DENND1A: variants seen among roughly 807,000 people sequenced by gnomAD.
DENND1A encodes the protein DENN domain-containing protein 1A.
A neutral mutation model predicts 113.7 loss-of-function variants in DENND1A; 51 were observed. The ratio of observed to expected loss-of-function variants is 0.45; its 90% confidence interval spans 0.36 to 0.57. The LOEUF (loss-of-function observed/expected upper bound fraction) is 0.57, where lower values mean the gene tolerates loss of function less well. DENND1A is among the 20% of genes least tolerant of loss of function. The pLI, the probability that DENND1A is intolerant of heterozygous loss-of-function variation, is 0.00. For synonymous variants in DENND1A, 565 were observed against 570.8 expected, an observed-to-expected ratio of 0.99 and a Z score of 0.14; for missense variants, 1,258 against 1,395.9, an observed-to-expected ratio of 0.90 and a Z score of 1.57.
At chr9:123,846,797 G>A (rs1003446514) in intron 2 of DENND1A, among the ~76,000 whole-genome samples, 2 of 152,116 alleles carry the variant, frequency 1.3e-5, no homozygotes, top group Non-Finnish European at 2.9e-5. Context: ...GCACAACAGT[G>A]TTAAACATAA....
At chr9:123,654,084 G>A (rs548763541) in intron 8 of DENND1A, among the ~76,000 whole-genome samples, 44 of 152,174 alleles carry the variant, frequency 2.9e-4, no homozygotes, top group South Asian at 2.5e-3. Flanking sequence ...AAAGGCAGTC[G>A]GAAGGAGTCA....
At chr9:123,553,688 C>G (rs1307559981) in intron 13 of DENND1A, among the ~76,000 whole-genome samples, 2 of 152,158 alleles carry the variant, frequency 1.3e-5, no homozygotes, top group African/African-American at 4.8e-5. Flanking sequence ...TGGATGGAAA[C>G]CTGCCACCAC....
intron 5 of DENND1A, among the ~76,000 whole-genome samples, chr9:123,750,470 G>A (rs979841072): frequency 1.3e-5 from 2 of 152,160 alleles, no homozygotes; most frequent in African/African-American, 2.4e-5. Flanking sequence ...AGGGCCCTGG[G>A]CCTAGGAAAG....
intron 19 of DENND1A, among the ~76,000 whole-genome samples, chr9:123,423,852 G>T (rs1341223133): frequency 6.6e-6 from 1 of 152,162 alleles, no homozygotes; most frequent in Non-Finnish European, 1.5e-5. Flanking sequence ...TAAGTGGTTG[G>T]CTAAACAACT....
chr9:123,751,011 T>C lies in DENND1A; in HGVS notation c.302+6692A>G, dbSNP rs1454981781. Among the ~76,000 whole-genome samples, 3 of 152,046 alleles carry C rather than the reference T, an allele frequency of 2.0e-5. No individual in the cohort carries two copies. The East Asian group carries it at 5.8e-4, about 29-fold the overall frequency. Reference sequence around the variant, plus strand: ...CCCTCCCCCACCTCCCAAACACTTATTTTAAACTAAAGCAGCTAACACACA... The same window carrying C: ...CCCTCCCCCACCTCCCAAACACTTACTTTAAACTAAAGCAGCTAACACACA... On this transcript the variant is annotated intron_variant, in intron 5 of 23. Transcript: ENST00000394215.
At chr9:123,438,295 GC>G (rs1384133546) in intron 19 of DENND1A, among the ~76,000 whole-genome samples, 10 of 152,152 alleles carry the variant, frequency 6.6e-5, no homozygotes, top group Non-Finnish European at 1.3e-4. Flanking sequence ...CCTGGCTCAA[GC>G]CCCCCTCCCT....
intron 13 of DENND1A, chr9:123,485,664 A>ACGCGCG (rs2050794411): frequency 8.0e-5 from 2 of 24,934 alleles, no homozygotes; most frequent in Non-Finnish European, 2.6e-4. Flanking sequence ...GCGCACACAC[A>ACGCGCG]CACACACACA....
intron 10 of DENND1A, among the ~76,000 whole-genome samples, chr9:123,610,001 T>C (rs1415649038): frequency 1.3e-5 from 2 of 152,232 alleles, no homozygotes; most frequent in Admixed American, 1.3e-4. Flanking sequence ...TCCATTCTGA[T>C]TGGACAAAGT....
intron 2 of DENND1A, among the ~76,000 whole-genome samples, chr9:123,840,085 A>AT (rs79381893): frequency 0.13 from 18,149 of 137,342 alleles, 1,347 homozygotes; most frequent in African/African-American, 0.22. Context: ...GTTTTTGTCT[A>AT]TTTTTTTTTT....
At chr9:123,507,955 T>C (rs77356932) in intron 13 of DENND1A, among the ~76,000 whole-genome samples, 2,537 of 152,328 alleles carry the variant, frequency 0.017, 37 homozygotes, top group African/African-American at 0.037. Context: ...TTAAAATGCA[T>C]TGACTCAGAA....
intron 19 of DENND1A, among the ~76,000 whole-genome samples, chr9:123,432,392 T>A (rs1222095548): frequency 6.6e-6 from 1 of 152,096 alleles, no homozygotes; most frequent in Non-Finnish European, 1.5e-5. Context: ...GCACCACCAA[T>A]TAGGGGCCAC....
At chr9:123,608,056 CA>C (rs1341335351) in intron 11 of DENND1A, among the ~76,000 whole-genome samples, 3 of 152,116 alleles carry the variant, frequency 2.0e-5, no homozygotes, top group African/African-American at 7.2e-5. Flanking sequence ...AGGTAAAACA[CA>C]GAAGAAATCT....
chr9:123,658,281 C>T (rs2139616384), intron 8 of DENND1A, among the ~76,000 whole-genome samples: 1 of 151,986 alleles, frequency 6.6e-6, no homozygotes. Flanking sequence ...CAAAAGTAAA[C>T]TTCAAAACCT....
At chr9:123,452,163 C>T (rs1055206359) in intron 17 of DENND1A, 113 bp downstream of exon 17, 2 of 998,218 alleles carry the variant, frequency 2.0e-6, no homozygotes, top group Admixed American at 3.9e-5. Flanking sequence ...CACTGCACTC[C>T]AGCCTGGGCA....
At chr9:123,731,418 C>A (rs1036022282) in intron 5 of DENND1A, among the ~76,000 whole-genome samples, 4 of 152,080 alleles carry the variant, frequency 2.6e-5, no homozygotes, top group African/African-American at 9.7e-5. Flanking sequence ...ACTGCGTAGT[C>A]CATTAATTTT....
At chr9:123,918,420 G>A (rs1485387869) in intron 1 of DENND1A, among the ~76,000 whole-genome samples, 3 of 150,392 alleles carry the variant, frequency 2.0e-5, no homozygotes, top group Non-Finnish European at 4.4e-5. Context: ...CCCGGGAGGC[G>A]GAGCTTGCAG....
At chr9:123,639,223 A>C (rs1324713228) in intron 9 of DENND1A, among the ~76,000 whole-genome samples, 1 of 151,860 alleles carries the variant, frequency 6.6e-6, no homozygotes. Context: ...GGATCACTTC[A>C]GGTCAGGAGT....
intron 9 of DENND1A, among the ~76,000 whole-genome samples, chr9:123,634,240 C>T (rs987822250): frequency 6.6e-6 from 1 of 152,136 alleles, no homozygotes; most frequent in Non-Finnish European, 1.5e-5. Context: ...AAAAATCAAG[C>T]TTTTAAGGTG....
chr9:123,815,802 G>A (rs572201022), intron 2 of DENND1A, among the ~76,000 whole-genome samples: 1 of 152,140 alleles, frequency 6.6e-6, no homozygotes, highest in Non-Finnish European at 1.5e-5. Flanking sequence ...TCTACAATGT[G>A]AGGAGGCTAA....
Sources: gnomAD v4.1 joint callset for allele counts (sites outside exome capture counted in the v4.1 genomes callset) on GRCh38, gnomAD v4.1.1 for gene constraint, MANE v1.5 for transcripts, NCBI Gene and HGNC (gene_info 2026-07-23, HGNC 2026-07-21) for gene names.